The following PCDHGB3 variants were observed in gnomAD, a reference collection of about 807,000 sequenced individuals.
The protein encoded by PCDHGB3 is protocadherin gamma subfamily B, 3.
Under a neutral mutation model 59.2 loss-of-function variants are expected in PCDHGB3, and 40 were observed. That is an observed-to-expected ratio of 0.68 (90% CI 0.52 to 0.88). The LOEUF (loss-of-function observed/expected upper bound fraction) is 0.88, where lower values mean the gene tolerates loss of function less well. Among genes scored for constraint, PCDHGB3 ranks in the 40% least tolerant of loss-of-function variants. PCDHGB3 has a pLI of 0.00. For missense variants in PCDHGB3, 1,309 were observed against 1,187.9 expected (o/e 1.10, Z -1.50); for synonymous variants, 581 against 503.6 (o/e 1.15, Z -2.06).
intron 2 of PCDHGB3, among the ~76,000 whole-genome samples, chr5:141,503,423 C>T (rs1018496430): frequency 6.6e-6 from 1 of 151,752 alleles, no homozygotes; most frequent in Non-Finnish European, 1.5e-5. Context: ...GGTGAAACCC[C>T]ATCTCTACTA....
rs527250082 is a variant in PCDHGB3 at position 141,371,292 on chromosome 5, G to A, written c.898G>A (p.Glu300Lys). 2.0e-5 allele frequency: 33 copies of A among 1,613,858 alleles called. No individual in the cohort carries two copies. The highest frequency in any genetic ancestry group is 1.6e-4 in the Middle Eastern group (1 of 6,084). The change falls in exon 1 of 4, where the codon GAA becomes AAA. Residue 300 changes from glutamate (E) to lysine (K), a missense_variant. Transcript: ENST00000576222. ...GTTCAAGCTGGACAGTAAAACGGGG[G>A]AACTCACCACTATTGGAGAACTGGA... The part of the protein sequence containing the change: ...QLFKLDSKTG[E>K]LTTIGELDFE...
chr5:141,375,179 A>G (rs2150054707), intron 1 of PCDHGB3: 4 of 1,613,972 alleles, frequency 2.5e-6, no homozygotes, highest in Middle Eastern at 1.6e-4. Context: ...AGGAACAGTA[A>G]TCGCCCTTTT....
intron 1 of PCDHGB3, among the ~76,000 whole-genome samples, chr5:141,401,748 C>G (rs2094189969): frequency 6.6e-6 from 1 of 152,134 alleles, no homozygotes; most frequent in Non-Finnish European, 1.5e-5. Context: ...ATACAAAGCT[C>G]CCATTACATG....
chr5:141,399,620 CCTCTT>C (rs1251716471), intron 1 of PCDHGB3: 1 of 1,613,940 alleles, frequency 6.2e-7, no homozygotes, highest in Non-Finnish European at 8.5e-7. Context: ...CTGGCACTGG[CCTCTT>C]ACGTGTCCAT....
In PCDHGB3 at chr5:141,432,219, T is replaced by A. The variant is rs1327611752; in HGVS notation, c.2415+59410T>A. 6.2e-7 allele frequency: 1 copy of A among 1,614,122 alleles called. No homozygotes were observed. Among genetic ancestry groups the A allele is most frequent in the East Asian group, 2.2e-5 (1 of 44,868 alleles). On this transcript the variant is annotated intron_variant, in intron 1 of 3. Transcript: ENST00000576222. The surrounding 1 kb of genome is among the most constrained non-coding windows in gnomAD (Gnocchi z 6.0). The stretch of plus-strand genomic sequence containing the variant: ...CCCGACTGTGAAGAGAACGCCCAGA[T>A]CACTTATTCCCTGGCTGAGAACACC...
rs1554123924 is a variant in PCDHGB3, at chr5:141,431,826, T to C, written c.2415+59017T>C. 1 of 1,614,220 alleles carries C rather than the reference T, an allele frequency of 6.2e-7. No homozygotes were observed. The highest frequency in any genetic ancestry group is 8.5e-7 in the Non-Finnish European group (1 of 1,180,050). The stretch of plus-strand genomic sequence containing the variant: ...GTCCTCACCTCTCTCGCCAGCTCGG[T>C]TCCCGAAAACTCTCCCAGAGGGACA... On this transcript the variant is annotated intron_variant, in intron 1 of 3. Coordinates refer to ENST00000576222, the MANE Select transcript of PCDHGB3 (RefSeq NM_018924.5). This position sits in a 1 kb window ranked among gnomAD's most constrained non-coding sequence, Gnocchi z 4.8.
At chr5:141,478,584 T>G in intron 1 of PCDHGB3, 1 of 1,577,982 alleles carries the variant, frequency 6.3e-7, no homozygotes, top group Non-Finnish European at 8.6e-7. Flanking sequence ...CTGTTAGTGC[T>G]TTTTTATTCC....
rs1246198657 is a variant in PCDHGB3 at position 141,505,401 on chromosome 5, A to T, written c.2483A>T (p.Asn828Ile). The change falls in exon 3 of 4, where the codon AAT (asparagine) becomes ATT (isoleucine). Residue 828 changes from asparagine (N) to isoleucine (I), a missense_variant. By Grantham distance (149) the Asn-to-Ile change is moderately radical (BLOSUM62 -3). Transcript: ENST00000576222. Reference protein sequence around the residue: ...AQRPGTSGSQNGDDTGTWPNN... With the variant: ...AQRPGTSGSQIGDDTGTWPNN... ...TCCTACTCTCTCCCCAGCTCCCAAA[A>T]TGGCGATGACACCGGCACCTGGCCC... is the stretch of plus-strand genomic sequence containing the variant. The T allele has an allele frequency of 6.2e-7, 1 of 1,614,058 alleles. No individual in the cohort carries two copies. Among genetic ancestry groups the T allele is most frequent in the African/African-American group, 1.3e-5 (1 of 74,922 alleles).
chr5:141,375,761 C>T (rs1771855837), intron 1 of PCDHGB3: 1 of 1,614,118 alleles, frequency 6.2e-7, no homozygotes, highest in Admixed American at 1.7e-5. Flanking sequence ...TGACAATGCG[C>T]CCGAGATCCT....
intron 1 of PCDHGB3, among the ~76,000 whole-genome samples, chr5:141,438,647 CACACAT>C (rs1324641788): frequency 3.8e-5 from 4 of 106,486 alleles, no homozygotes; most frequent in South Asian, 2.8e-4. Flanking sequence ...CACACACACA[CACACAT>C]ATATGTATAT....
At chr5:141,414,223 G>C in intron 1 of PCDHGB3, 1 of 1,613,426 alleles carries the variant, frequency 6.2e-7, no homozygotes, top group Non-Finnish European at 8.5e-7. Flanking sequence ...CAACAGTCCA[G>C]AGCTGACCAT....
Position 141,489,429 on chromosome 5 carries a change from G to A in PCDHGB3, c.2416-5378G>A. 1 of 1,614,140 alleles carries A rather than the reference G, an allele frequency of 6.2e-7. No individual in the cohort carries two copies. Among genetic ancestry groups the A allele is most frequent in the Non-Finnish European group, 8.5e-7 (1 of 1,180,036 alleles). ...AGATGACAGATCTGTTGAGCCGGCG[G>A]CTGCAATTGGGCTCTGAGGAGAATG... On this transcript the variant is annotated intron_variant, in intron 1 of 3. Transcript: ENST00000576222. The surrounding 1 kb of genome is among the most constrained non-coding windows in gnomAD (Gnocchi z 4.5).
Position 141,486,567 on chromosome 5 carries a change from C to T in PCDHGB3, c.2416-8240C>T, listed in dbSNP as rs1562113360. On this transcript the variant is annotated intron_variant, in intron 1 of 3. Transcript: ENST00000576222. The surrounding 1 kb of genome is among the most constrained non-coding windows in gnomAD (Gnocchi z 5.0). ...CAGAGGTCACATGAGGTGTTTGTTCCTGAGAACAATCGCCCAGGGGACCTG... is the reference window on the plus strand; with the variant it reads ...CAGAGGTCACATGAGGTGTTTGTTCTTGAGAACAATCGCCCAGGGGACCTG... The T allele has an allele frequency of 6.2e-7, 1 of 1,613,918 alleles. No homozygotes were observed. The highest frequency in any genetic ancestry group is 8.5e-7 in the Non-Finnish European group (1 of 1,179,986).
chr5:141,394,253 C>A (rs771138606), intron 1 of PCDHGB3: 1 of 1,613,986 alleles, frequency 6.2e-7, no homozygotes, highest in Admixed American at 1.7e-5. Flanking sequence ...ACGACCCCGA[C>A]AGCCAGGAGA....
intron 1 of PCDHGB3, among the ~76,000 whole-genome samples, chr5:141,460,445 G>A (rs896549154): frequency 7.2e-5 from 11 of 152,144 alleles, no homozygotes; most frequent in Admixed American, 5.9e-4. Flanking sequence ...AGGTAACAAT[G>A]AAGATTCATA....
At chr5:141,438,883 C>T (rs1026043786) in intron 1 of PCDHGB3, among the ~76,000 whole-genome samples, 4 of 151,728 alleles carry the variant, frequency 2.6e-5, no homozygotes, top group Non-Finnish European at 5.9e-5. Context: ...CCAGGCTGCT[C>T]TTGAACTCCT....
chr5:141,473,163 G>T (rs1379230893), intron 1 of PCDHGB3, among the ~76,000 whole-genome samples: 2 of 152,160 alleles, frequency 1.3e-5, no homozygotes, highest in Non-Finnish European at 1.5e-5. Flanking sequence ...GGGCTAGGAA[G>T]GCCCACTGGT....
intron 1 of PCDHGB3, among the ~76,000 whole-genome samples, chr5:141,459,838 A>C (rs944807247): frequency 1.3e-5 from 2 of 152,098 alleles, no homozygotes; most frequent in African/African-American, 4.8e-5. Context: ...TGTGTTGTCT[A>C]TTTGTATATC....
chr5:141,423,489 T>C (rs764165685), intron 1 of PCDHGB3: 1 of 1,614,016 alleles, frequency 6.2e-7, no homozygotes, highest in South Asian at 1.1e-5. Context: ...TGCAAACCTA[T>C]TCCCACGAGG....
Sources: allele counts gnomAD v4.1 joint callset (sites outside exome capture counted in the v4.1 genomes callset), GRCh38; gene constraint gnomAD v4.1.1; non-coding constraint Gnocchi (gnomAD v3.1); transcripts MANE v1.5; gene names NCBI Gene and HGNC (gene_info 2026-07-23, HGNC 2026-07-21).